The following FBXO34 variants were observed in gnomAD, a reference collection of about 807,000 sequenced individuals.
The protein encoded by FBXO34 is F-box protein 34.
FBXO34 carries 12 observed loss-of-function variants against 24.5 expected under a neutral mutation model. The ratio of observed to expected loss-of-function variants is 0.49; its 90% confidence interval spans 0.31 to 0.79. FBXO34 has a LOEUF of 0.79. Ranked by LOEUF, FBXO34 falls within the 30% of genes least tolerant of loss-of-function variation. The pLI is 0.04. For synonymous variants in FBXO34, 320 were observed against 311.9 expected (o/e 1.03, Z -0.27); for missense variants, 823 against 857.7 (o/e 0.96, Z 0.51).
At chr14:55,398,104 TGCCCA>T in the FBXO34 span, among the ~76,000 whole-genome samples, 1 of 151,976 alleles carries the variant, frequency 6.6e-6, no homozygotes, top group Admixed American at 6.6e-5. Context: ...CCTGCCACCA[TGCCCA>T]GCTAATTTTG....
chr14:55,421,410 T>C, the FBXO34 span, among the ~76,000 whole-genome samples: 18 of 152,330 alleles, frequency 1.2e-4, no homozygotes, highest in Admixed American at 1.1e-3. Context: ...TGAGGAATTG[T>C]AGTTTTGCTG....
At chr14:55,308,483 C>T (rs1489719457) in intron 1 of FBXO34, among the ~76,000 whole-genome samples, 2 of 152,158 alleles carry the variant, frequency 1.3e-5, no homozygotes, top group Non-Finnish European at 2.9e-5. Flanking sequence ...TGTTAAGGTT[C>T]TTCCATAGTC....
intron 1 of FBXO34, among the ~76,000 whole-genome samples, chr14:55,275,756 A>G (rs1181666575): frequency 6.8e-6 from 1 of 147,746 alleles, no homozygotes; most frequent in Non-Finnish European, 1.5e-5. Context: ...CCCGGAAGGC[A>G]GAGCTTGCAG....
the FBXO34 span, chr14:55,436,833 GTC>G: frequency 6.2e-7 from 1 of 1,614,112 alleles, no homozygotes; most frequent in African/African-American, 1.3e-5. Context: ...TGACAGGCTG[GTC>G]TTTATTTTCC....
In FBXO34 at chr14:55,317,483, AAAAAAC is replaced by A. The variant is rs200795888; in HGVS notation, c.-10-32885_-10-32880del. Among the ~76,000 whole-genome samples the A allele has an allele frequency of 7.6e-3, 1,152 of 152,238 alleles. 9 individuals are homozygous for A. The highest frequency in any genetic ancestry group is 0.026 in the African/African-American group (1,068 of 41,534). On this transcript the variant is annotated intron_variant, in intron 1 of 1. Transcript: ENST00000313833. ...GTGACAGAGTGAGACCCTGTCTCAA[AAAAAAC>A]AAAAACAAAAACCAAAAAACGGTAA...
downstream of FBXO34, chr14:55,369,459 A>G: frequency 1.5e-6 from 1 of 666,974 alleles, no homozygotes; most frequent in Non-Finnish European, 2.3e-6. Context: ...CCACTTGGCA[A>G]ATAGAAATGT....
chr14:55,274,213 A>G (rs1434800325), intron 1 of FBXO34, among the ~76,000 whole-genome samples: 12 of 152,300 alleles, frequency 7.9e-5, no homozygotes, highest in Admixed American at 7.2e-4. Flanking sequence ...TTTCCTCTCT[A>G]TTTTGCTTAG....
intron 1 of FBXO34, among the ~76,000 whole-genome samples, chr14:55,281,404 A>C (rs527413216): frequency 6.6e-6 from 1 of 151,936 alleles, no homozygotes; most frequent in Non-Finnish European, 1.5e-5. Context: ...AATTGTCTCT[A>C]TGACGTTTTT....
downstream of FBXO34, among the ~76,000 whole-genome samples, chr14:55,364,989 G>A (rs1194278993): frequency 6.6e-6 from 1 of 150,528 alleles, no homozygotes; most frequent in Non-Finnish European, 1.5e-5. Flanking sequence ...GGGAGGCCGA[G>A]GCGAGCAGAT....
At chr14:55,356,157 G>A (rs548471122), downstream of FBXO34, among the ~76,000 whole-genome samples, 8 of 152,230 alleles carry the variant, frequency 5.3e-5, no homozygotes, top group East Asian at 1.9e-4. Flanking sequence ...CAGTACCTTC[G>A]TGCCAACCTT....
chr14:55,351,351 A>ACT lies in FBXO34; in HGVS notation c.963_964dup (p.Gln322LeufsTer20), dbSNP rs1327389027. On this transcript the variant is annotated frameshift_variant, in exon 2 of 2. Coordinates refer to ENST00000313833, the MANE Select transcript of FBXO34 (RefSeq NM_017943.4). LOFTEE classifies it low-confidence loss of function (END_TRUNC). ...GGGCAGAGTATTGCTTGCAAATAGC[A>ACT]CTCAGGCTGATGAAGGCAAAACAAA... 2 of 1,614,052 alleles carry ACT rather than the reference A, an allele frequency of 1.2e-6. No homozygotes were observed. The highest frequency in any genetic ancestry group is 2.7e-5 in the African/African-American group (2 of 74,914).
downstream of FBXO34, chr14:55,369,645 A>C: frequency 6.5e-7 from 1 of 1,541,258 alleles, no homozygotes; most frequent in East Asian, 2.3e-5. Flanking sequence ...TAAGCTTTAA[A>C]CCAGGAGGTC....
chr14:55,441,351 T>C, the FBXO34 span, among the ~76,000 whole-genome samples: 1 of 152,072 alleles, frequency 6.6e-6, no homozygotes, highest in Non-Finnish European at 1.5e-5. Flanking sequence ...TGACAAGGTC[T>C]CGGTATGTTA....
the FBXO34 span, chr14:55,395,826 A>G: frequency 1.6e-6 from 1 of 642,516 alleles, no homozygotes; most frequent in Non-Finnish European, 2.3e-6. Context: ...AAGTGGATTA[A>G]GTAGAGGACT....
intron 1 of FBXO34, among the ~76,000 whole-genome samples, chr14:55,314,251 GAA>G (rs890303485): frequency 2.0e-5 from 3 of 149,834 alleles, no homozygotes; most frequent in African/African-American, 7.4e-5. Context: ...ATAAAGATAT[GAA>G]AAAAAAATGG....
the FBXO34 span, among the ~76,000 whole-genome samples, chr14:55,394,637 C>T: frequency 1.3e-5 from 2 of 152,128 alleles, no homozygotes; most frequent in African/African-American, 2.4e-5. Flanking sequence ...CTACCACGAC[C>T]AAAGAGCTCA....
At chr14:55,424,513 A>T in the FBXO34 span, among the ~76,000 whole-genome samples, 1 of 152,240 alleles carries the variant, frequency 6.6e-6, no homozygotes, top group Non-Finnish European at 1.5e-5. Context: ...AAGGTAACTT[A>T]GGGCATCTGA....
At chr14:55,339,183 G>C (rs1430580478) in intron 1 of FBXO34, among the ~76,000 whole-genome samples, 3 of 152,186 alleles carry the variant, frequency 2.0e-5, no homozygotes, top group East Asian at 3.8e-4. Context: ...TCCAGGTTTA[G>C]AGGGAATGGT....
intron 1 of FBXO34, among the ~76,000 whole-genome samples, chr14:55,332,523 A>G (rs1883631179): frequency 6.6e-6 from 1 of 152,178 alleles, no homozygotes; most frequent in African/African-American, 2.4e-5. Flanking sequence ...TTATTGTAGA[A>G]GTGTTTTTGG....
Sources: gnomAD v4.1 joint callset for allele counts (sites outside exome capture counted in the v4.1 genomes callset) on GRCh38, gnomAD v4.1.1 for gene constraint, MANE v1.5 for transcripts, NCBI Gene and HGNC (gene_info 2026-07-23, HGNC 2026-07-21) for gene names.